Variants in SOX5 observed in about 807,000 individuals in gnomAD.
SOX5 encodes transcription factor SOX-5.
A neutral mutation model predicts 92.0 loss-of-function variants in SOX5; 9 were observed. The observed-to-expected ratio is 0.10, with a 90% confidence interval of 0.06 to 0.17. The LOEUF is 0.17. Among genes scored for constraint, SOX5 ranks in the 10% least tolerant of loss-of-function variants. The pLI is 1.00. For synonymous variants in SOX5, 344 were observed against 336.3 expected, an observed-to-expected ratio of 1.02 and a Z score of -0.25; for missense variants, 642 against 944.5, an observed-to-expected ratio of 0.68 and a Z score of 4.20.
At chr12:24,049,175 T>C (rs940819997) in intron 4 of SOX5, among the ~76,000 whole-genome samples, 2 of 152,208 alleles carry the variant, frequency 1.3e-5, no homozygotes, top group African/African-American at 2.4e-5. Flanking sequence ...GGAAAGGAAG[T>C]TGGTTTTCTT....
At chr12:24,442,258 C>T (rs7307613) in intron 1 of SOX5, among the ~76,000 whole-genome samples, 86,468 of 151,998 alleles carry the variant, frequency 0.57, 25,159 homozygotes, top group East Asian at 0.97. Flanking sequence ...GGTCAGTTTC[C>T]ATGTAGATTA....
chr12:24,332,777 A>C (rs1050700285), intron 2 of SOX5, among the ~76,000 whole-genome samples: 2 of 152,044 alleles, frequency 1.3e-5, no homozygotes, highest in Non-Finnish European at 2.9e-5. Context: ...CTGACACTGG[A>C]CCCCAGAGAG....
At chr12:24,077,042 G>A (rs1942714560) in intron 4 of SOX5, among the ~76,000 whole-genome samples, 2 of 152,074 alleles carry the variant, frequency 1.3e-5, no homozygotes, top group East Asian at 1.9e-4. Context: ...AAAACTCTTT[G>A]ACACAGGAAG....
intron 1 of SOX5, among the ~76,000 whole-genome samples, chr12:23,943,495 C>A (rs576979368): frequency 6.6e-6 from 1 of 152,156 alleles, no homozygotes; most frequent in African/African-American, 2.4e-5. Flanking sequence ...CCTCATATTG[C>A]ATGATCATCA....
At position 24,267,670 on chromosome 12, in the gene SOX5, G is replaced by C. The variant is rs144352446; in HGVS notation, c.-77+9546C>G. ...TTATTCTTGTTAGGACAACTTCTTT[G>C]TCTTTCTAAAGAAAGACAAAAAATA... On this transcript the variant is annotated intron_variant, in intron 3 of 4. Coordinates refer to the SOX5 transcript ENST00000446891. Among the ~76,000 whole-genome samples, 730 of 152,026 alleles carry C rather than the reference G, an allele frequency of 4.8e-3. 7 individuals are homozygous for C. The highest frequency in any genetic ancestry group is 0.016 in the African/African-American group (682 of 41,488).
chr12:23,840,701 T>C (rs1056775590), intron 3 of SOX5, among the ~76,000 whole-genome samples: 8 of 152,292 alleles, frequency 5.3e-5, no homozygotes, highest in Admixed American at 5.2e-4. Flanking sequence ...AATTGATCTT[T>C]AGCAAGGAAA....
intron 4 of SOX5, among the ~76,000 whole-genome samples, chr12:24,029,439 T>A (rs967033087): frequency 2.0e-5 from 3 of 151,844 alleles, no homozygotes; most frequent in African/African-American, 7.3e-5. Context: ...CACACCTGGC[T>A]GTTTTTTTAG....
intron 1 of SOX5, among the ~76,000 whole-genome samples, chr12:23,923,418 C>T (rs1179705380): frequency 6.6e-6 from 1 of 151,964 alleles, no homozygotes; most frequent in East Asian, 1.9e-4. Flanking sequence ...GGTAGGGAAT[C>T]GGTAGACAAA....
intron 2 of SOX5, among the ~76,000 whole-genome samples, chr12:24,360,503 G>T (rs1163881673): frequency 6.6e-6 from 1 of 152,270 alleles, no homozygotes; most frequent in South Asian, 2.1e-4. Flanking sequence ...CTGAACAGGA[G>T]TAAGGCCTTG....
At chr12:24,451,661 T>C (rs1204795956) in intron 1 of SOX5, among the ~76,000 whole-genome samples, 1 of 152,198 alleles carries the variant, frequency 6.6e-6, no homozygotes, top group Non-Finnish European at 1.5e-5. Context: ...AAGATGGGTT[T>C]TAGAAGTCTG....
intron 6 of SOX5, among the ~76,000 whole-genome samples, chr12:23,706,060 AT>A (rs1468980204): frequency 6.6e-6 from 1 of 151,928 alleles, no homozygotes. Context: ...GATTAATGAC[AT>A]GGTTGAAATA....
At chr12:24,154,069 G>A (rs1248901905) in intron 4 of SOX5, among the ~76,000 whole-genome samples, 6 of 152,202 alleles carry the variant, frequency 3.9e-5, no homozygotes, top group Admixed American at 1.3e-4. Flanking sequence ...AATGTAATGT[G>A]CTTTCCTCTC....
chr12:24,100,466 G>T (rs1945950763), intron 4 of SOX5, among the ~76,000 whole-genome samples: 2 of 151,784 alleles, frequency 1.3e-5, no homozygotes, highest in East Asian at 3.9e-4. Flanking sequence ...TCCTCTCCTG[G>T]GCTTCCTCCT....
At chr12:23,680,502 G>C (rs1290683876) in intron 6 of SOX5, among the ~76,000 whole-genome samples, 1 of 151,768 alleles carries the variant, frequency 6.6e-6, no homozygotes, top group African/African-American at 2.4e-5. Context: ...GAGGTTAAGT[G>C]TCATAGAGTC....
intron 1 of SOX5, among the ~76,000 whole-genome samples, chr12:24,553,619 C>T (rs764531386): frequency 1.3e-5 from 2 of 152,210 alleles, no homozygotes; most frequent in Non-Finnish European, 2.9e-5. Context: ...CCTATGGTTA[C>T]CCATTTCAAA....
rs183315703 is a variant in SOX5, at chr12:24,291,041, A to G, written c.-173-13729T>C. On this transcript the variant is annotated intron_variant, in intron 2 of 4. Coordinates refer to the SOX5 transcript ENST00000446891. ...TTACAAAGATTATTCCTCCCTTCGT[A>G]TTAGGCAATAGGCAGTACTCAGTAT... Among the ~76,000 whole-genome samples the G allele has an allele frequency of 3.9e-3, 592 of 152,282 alleles. 3 individuals are homozygous for G. The highest frequency in any genetic ancestry group is 0.017 in the Middle Eastern group (5 of 294).
At chr12:23,538,382 G>T (rs980293052) in intron 13 of SOX5, among the ~76,000 whole-genome samples, 4 of 152,114 alleles carry the variant, frequency 2.6e-5, no homozygotes, top group Non-Finnish European at 5.9e-5. Flanking sequence ...ATAAACTCAG[G>T]TTACAGTGCA....
intron 7 of SOX5, among the ~76,000 whole-genome samples, chr12:23,652,353 T>C (rs75344273): frequency 2.0e-5 from 3 of 152,126 alleles, no homozygotes; most frequent in South Asian, 2.1e-4. Context: ...CCTTCATCCA[T>C]CCCTTCCTTA....
chr12:24,229,508 C>T (rs1006844094), intron 3 of SOX5, among the ~76,000 whole-genome samples: 1 of 151,422 alleles, frequency 6.6e-6, no homozygotes, highest in Non-Finnish European at 1.5e-5. Context: ...TTTCTTGGCA[C>T]TCATATGCTA....
Sources: gnomAD v4.1 joint callset for allele counts (sites outside exome capture counted in the v4.1 genomes callset) on GRCh38, gnomAD v4.1.1 for gene constraint, MANE v1.5 for transcripts, NCBI Gene and HGNC (gene_info 2026-07-23, HGNC 2026-07-21) for gene names.